Variants in DCC observed in about 807,000 individuals in gnomAD.
DCC encodes netrin receptor DCC.
Under a neutral mutation model 172.5 loss-of-function variants are expected in DCC, and 58 were observed. The ratio of observed to expected loss-of-function variants is 0.34; its 90% CI spans 0.27 to 0.42. The LOEUF (loss-of-function observed/expected upper bound fraction) is 0.42. Ranked by LOEUF, DCC falls within the 10% of genes least tolerant of loss-of-function variation. DCC has a pLI of 1.00. For synonymous variants in DCC, 709 were observed against 644.5 expected, an observed-to-expected ratio of 1.10 and a Z score of -1.52; for missense variants, 1,740 against 1,791.0, an observed-to-expected ratio of 0.97 and a Z score of 0.51.
chr18:52,698,943 C>T (rs942690575), intron 1 of DCC, among the ~76,000 whole-genome samples: 1 of 152,020 alleles, frequency 6.6e-6, no homozygotes, highest in Non-Finnish European at 1.5e-5. Flanking sequence ...CTTTTCATGG[C>T]ATAGGAAAGG....
At chr18:53,339,588 T>C in intron 14 of DCC, 125 bp from the exon 15 acceptor site, 1 of 793,440 alleles carries the variant, frequency 1.3e-6, no homozygotes, top group Non-Finnish European at 2.2e-6. Context: ...AAAGAGTGAC[T>C]TGGGCAATAG....
At chr18:52,636,799 G>T (rs1321249537) in intron 1 of DCC, among the ~76,000 whole-genome samples, 2 of 152,126 alleles carry the variant, frequency 1.3e-5, no homozygotes, top group African/African-American at 4.8e-5. Flanking sequence ...CCAACCACTG[G>T]TCCCTCTCCA....
chr18:52,556,845 C>A (rs1324459701), intron 1 of DCC, among the ~76,000 whole-genome samples: 1 of 152,102 alleles, frequency 6.6e-6, no homozygotes, highest in Non-Finnish European at 1.5e-5. Context: ...AATGTACTTT[C>A]GTTTTATGAG....
chr18:52,386,111 A>G (rs906816017), intron 1 of DCC, among the ~76,000 whole-genome samples: 4 of 152,094 alleles, frequency 2.6e-5, no homozygotes, highest in Admixed American at 2.6e-4. Context: ...AGCCAACATT[A>G]ATGTTATTTT....
intron 1 of DCC, among the ~76,000 whole-genome samples, chr18:52,637,611 A>G (rs1329634927): frequency 6.6e-6 from 1 of 152,240 alleles, no homozygotes. Context: ...AATCCAACAA[A>G]GGCAAAGAAA....
chr18:53,027,497 A>C (rs1466301567), intron 5 of DCC, among the ~76,000 whole-genome samples: 1 of 152,162 alleles, frequency 6.6e-6, no homozygotes, highest in Non-Finnish European at 1.5e-5. Flanking sequence ...AATAATTTTC[A>C]GGCAGGGAAG....
intron 9 of DCC, among the ~76,000 whole-genome samples, chr18:53,190,421 T>C (rs980438563): frequency 2.6e-5 from 4 of 151,576 alleles, no homozygotes; most frequent in Admixed American, 2.6e-4. Context: ...GAGCCAGAGT[T>C]TGAACCTAGC....
intron 1 of DCC, among the ~76,000 whole-genome samples, chr18:52,496,007 T>C (rs1477944891): frequency 6.6e-6 from 1 of 152,136 alleles, no homozygotes; most frequent in Non-Finnish European, 1.5e-5. Context: ...GATTACTTAC[T>C]TTAGCTATAC....
Position 53,167,502 on chromosome 18 carries a change from A to G in DCC, c.1418+9990A>G, listed in dbSNP as rs922208187. ...CCAAAGATGACCGAAATAAATGGGG[A>G]TGGAACAAGGAATAGAATCCAATTT... On this transcript the variant is annotated intron_variant, in intron 8 of 28. Transcript: ENST00000442544. Among the ~76,000 whole-genome samples the G allele has an allele frequency of 2.0e-5, 3 of 152,176 alleles. No individual in the cohort carries two copies. The East Asian group carries it at 5.8e-4, about 29-fold the overall frequency.
chr18:53,228,925 T>G (rs571499895), intron 12 of DCC, among the ~76,000 whole-genome samples: 1 of 152,290 alleles, frequency 6.6e-6, no homozygotes, highest in South Asian at 2.1e-4. Context: ...GTTCAATTGT[T>G]TTATATTTCT....
intron 21 of DCC, among the ~76,000 whole-genome samples, chr18:53,433,144 T>C (rs963532403): frequency 6.6e-6 from 1 of 152,142 alleles, no homozygotes; most frequent in African/African-American, 2.4e-5. Context: ...CTACTCCTTG[T>C]TATTTAGAAA....
chr18:53,001,969 T>TA (rs1350167259), intron 5 of DCC, among the ~76,000 whole-genome samples: 1 of 152,054 alleles, frequency 6.6e-6, no homozygotes, highest in East Asian at 1.9e-4. Flanking sequence ...AAAAACACAA[T>TA]AAAAAATACT....
At chr18:53,316,712 T>A (rs1194546544) in intron 13 of DCC, among the ~76,000 whole-genome samples, 1 of 152,178 alleles carries the variant, frequency 6.6e-6, no homozygotes, top group Non-Finnish European at 1.5e-5. Context: ...TTTATTCTCT[T>A]TGTAGCAATT....
chr18:52,998,174 G>A (rs1289874587), intron 5 of DCC, among the ~76,000 whole-genome samples: 1 of 152,034 alleles, frequency 6.6e-6, no homozygotes, highest in East Asian at 1.9e-4. Context: ...GTGGCTAGTG[G>A]CTATCATAAT....
intron 1 of DCC, among the ~76,000 whole-genome samples, chr18:52,444,068 A>G (rs1988050003): frequency 6.6e-6 from 1 of 152,176 alleles, no homozygotes; most frequent in Non-Finnish European, 1.5e-5. Flanking sequence ...AAGAACCTGG[A>G]CTGACTGTGA....
At chr18:52,949,333 T>A (rs1241020337) in intron 5 of DCC, among the ~76,000 whole-genome samples, 2 of 152,156 alleles carry the variant, frequency 1.3e-5, no homozygotes, top group African/African-American at 4.8e-5. Flanking sequence ...AAACTGCTGG[T>A]AAAAGAAAAG....
intron 12 of DCC, among the ~76,000 whole-genome samples, chr18:53,296,017 A>G (rs2057063033): frequency 6.6e-6 from 1 of 152,174 alleles, no homozygotes; most frequent in Non-Finnish European, 1.5e-5. Context: ...TGCACAGAGG[A>G]AGTTTCTCAA....
rs756413944 is a variant in DCC, at chr18:53,162,254, G to C, written c.1418+4742G>C. Among the ~76,000 whole-genome samples the C allele has an allele frequency of 6.2e-4, 91 of 146,264 alleles. 1 individual carries two copies. The highest frequency in any genetic ancestry group is 2.2e-3 in the African/African-American group (88 of 39,696). On this transcript the variant is annotated intron_variant, in intron 8 of 28. Transcript: ENST00000442544. The stretch of plus-strand genomic sequence containing the variant: ...GTGGAGATGGCAGTGAGCCGAGATC[G>C]TGCTACTGCACCCCAGCTTGGGTGA...
At chr18:53,145,139 G>T (rs573847136) in intron 7 of DCC, among the ~76,000 whole-genome samples, 3 of 89,570 alleles carry the variant, frequency 3.3e-5, no homozygotes, top group African/African-American at 1.2e-4. Flanking sequence ...TTTTGAGACC[G>T]ACTCTTGCTC....
Sources: gnomAD v4.1 joint callset for allele counts (sites outside exome capture counted in the v4.1 genomes callset) on GRCh38, gnomAD v4.1.1 for gene constraint, MANE v1.5 for transcripts, NCBI Gene and HGNC (gene_info 2026-07-23, HGNC 2026-07-21) for gene names.